PHF21B: variants seen among roughly 807,000 people sequenced by gnomAD.
PHF21B encodes PHD finger protein 4.
PHF21B carries 22 observed loss-of-function variants against 62.2 expected under a neutral mutation model. That is an observed-to-expected ratio of 0.35 (90% CI 0.25 to 0.51). The LOEUF is 0.51. Among genes scored for constraint, PHF21B ranks in the 20% least tolerant of loss-of-function variants. The probability of loss-of-function intolerance (pLI) is 0.97; values close to 1 mark genes in which losing one functional copy is unlikely to be tolerated. For synonymous variants in PHF21B, 341 were observed against 314.7 expected, an observed-to-expected ratio of 1.08 and a Z score of -0.88; for missense variants, 701 against 707.9, an observed-to-expected ratio of 0.99 and a Z score of 0.11.
At position 44,898,384 on chromosome 22, in the gene PHF21B, T is replaced by C. The variant is rs566377450; in HGVS notation, c.832-2301A>G. On this transcript the variant is annotated intron_variant, in intron 5 of 12. Transcript: ENST00000313237. ...GGGCGTAGACCACCCACCTGACTCA[T>C]AGCTGCTGGTGACCCTGGTCACTGG... Among the ~76,000 whole-genome samples the C allele has an allele frequency of 4.5e-4, 69 of 152,278 alleles. 1 individual carries two copies. Among genetic ancestry groups the C allele is most frequent in the African/African-American group, 1.6e-3 (65 of 41,566 alleles).
At chr22:44,938,437 T>A (rs1195621367) in intron 2 of PHF21B, among the ~76,000 whole-genome samples, 1 of 152,260 alleles carries the variant, frequency 6.6e-6, no homozygotes, top group African/African-American at 2.4e-5. Flanking sequence ...TTTCTCCATG[T>A]TGGCCAGGCT....
chr22:44,971,843 C>T (rs1425230187), intron 2 of PHF21B, among the ~76,000 whole-genome samples: 1 of 152,256 alleles, frequency 6.6e-6, no homozygotes, highest in Non-Finnish European at 1.5e-5. Flanking sequence ...AAGCTCCTTA[C>T]GGACATGTCT....
intron 5 of PHF21B, chr22:44,901,640 C>A: frequency 2.0e-6 from 1 of 488,826 alleles, no homozygotes; most frequent in South Asian, 4.7e-5. Context: ...GCCAAGAAGG[C>A]TGATGCTGGT....
intron 2 of PHF21B, among the ~76,000 whole-genome samples, chr22:44,959,302 T>C (rs1333390049): frequency 6.6e-6 from 1 of 152,226 alleles, no homozygotes; most frequent in East Asian, 1.9e-4. Flanking sequence ...CATCTTCTCA[T>C]ACTCTCCACT....
chr22:44,988,371 A>G (rs556386136), intron 2 of PHF21B, among the ~76,000 whole-genome samples: 7 of 152,306 alleles, frequency 4.6e-5, no homozygotes, highest in African/African-American at 1.7e-4. Flanking sequence ...CTGAGGTGGG[A>G]GGATTGCTTG....
chr22:44,975,188 C>G (rs2072714266), intron 2 of PHF21B, among the ~76,000 whole-genome samples: 1 of 152,176 alleles, frequency 6.6e-6, no homozygotes, highest in African/African-American at 2.4e-5. Flanking sequence ...TCAAACCCAC[C>G]TTTTCTCCAG....
intron 8 of PHF21B, among the ~76,000 whole-genome samples, chr22:44,890,753 G>A (rs2070948797): frequency 6.6e-6 from 1 of 152,274 alleles, no homozygotes; most frequent in South Asian, 2.1e-4. Flanking sequence ...GCAGACACAG[G>A]TAGAGGCCTG....
At position 44,929,324 on chromosome 22, in the gene PHF21B, G is replaced by T. The variant is rs1294427524; in HGVS notation, c.121-8834C>A. Among the ~76,000 whole-genome samples the T allele has an allele frequency of 2.0e-5, 3 of 152,198 alleles. No individual in the cohort carries two copies. In the East Asian group the frequency reaches 5.8e-4, roughly 29 times the overall value. ...TGCTGCTGCATGAGAATGTGCTTAG[G>T]CTTGGCCTTTATGTCCCCATTTGGT... On this transcript the variant is annotated intron_variant, in intron 2 of 12. Transcript: ENST00000313237.
intron 2 of PHF21B, among the ~76,000 whole-genome samples, chr22:44,931,104 C>T (rs1361260346): frequency 1.3e-5 from 2 of 152,204 alleles, no homozygotes; most frequent in South Asian, 2.1e-4. Context: ...GCCCCAACTG[C>T]AGTGCAGTGG....
At position 44,953,404 on chromosome 22, in the gene PHF21B, C is replaced by G. The variant is rs553314986; in HGVS notation, c.121-32914G>C. Among the ~76,000 whole-genome samples, 209 of 152,350 alleles carry G rather than the reference C, an allele frequency of 1.4e-3. 1 individual carries two copies. Among genetic ancestry groups the G allele is most frequent in the African/African-American group, 4.7e-3 (196 of 41,576 alleles). On this transcript the variant is annotated intron_variant, in intron 2 of 12. Coordinates refer to ENST00000313237, the MANE Select transcript of PHF21B (RefSeq NM_138415.5). ...AAGTCTTATGCAAACCAACCAGCCACAGGTTCCATCGGGCTTTTGTGGTGT... is the reference window on the plus strand; with the variant it reads ...AAGTCTTATGCAAACCAACCAGCCAGAGGTTCCATCGGGCTTTTGTGGTGT...
chr22:44,994,160 C>T (rs2073083604), intron 2 of PHF21B, among the ~76,000 whole-genome samples: 1 of 152,240 alleles, frequency 6.6e-6, no homozygotes, highest in Non-Finnish European at 1.5e-5. Context: ...CTAGCTTCAG[C>T]TGGTGGAGAT....
At chr22:44,996,085 G>T (rs968714313) in intron 2 of PHF21B, among the ~76,000 whole-genome samples, 6 of 152,122 alleles carry the variant, frequency 3.9e-5, no homozygotes, top group Admixed American at 3.3e-4. Context: ...AATCCAAGGA[G>T]CCAGCGGCAC....
intron 2 of PHF21B, among the ~76,000 whole-genome samples, chr22:44,995,854 G>C (rs1249583746): frequency 6.7e-6 from 1 of 148,320 alleles, no homozygotes; most frequent in East Asian, 2.0e-4. Flanking sequence ...CTGTCCCTGA[G>C]GTCAGGGTGA....
At chr22:44,945,714 A>ATT (rs1308574643) in intron 2 of PHF21B, among the ~76,000 whole-genome samples, 6 of 19,852 alleles carry the variant, frequency 3.0e-4, no homozygotes, top group Admixed American at 9.9e-4. Context: ...TGTTGGCAGA[A>ATT]TTGGGGGGGG....
chr22:45,004,510 T>C (rs2073278353), intron 2 of PHF21B, among the ~76,000 whole-genome samples: 1 of 152,216 alleles, frequency 6.6e-6, no homozygotes, highest in Non-Finnish European at 1.5e-5. Context: ...TGTGGAGCTT[T>C]TGGAGTTGTA....
rs779214577 is a variant in PHF21B at position 44,885,941 on chromosome 22, G to A, written c.1198-3C>T. The stretch of plus-strand genomic sequence containing the variant: ...ACACCCTCGTCTTTCTTTAAGGCCT[G>A]GGGAGCAGACGGGGAGATGAAAAAG... On this transcript the variant is annotated splice_region_variant and splice_polypyrimidine_tract_variant and intron_variant, in intron 10 of 12. Transcript: ENST00000313237. 3.1e-6 allele frequency: 5 copies of A among 1,613,748 alleles called. No homozygotes were observed. The East Asian group carries it at 8.9e-5, about 29-fold the overall frequency.
At chr22:44,979,985 C>A (rs932477529) in intron 2 of PHF21B, among the ~76,000 whole-genome samples, 2 of 141,262 alleles carry the variant, frequency 1.4e-5, no homozygotes, top group Non-Finnish European at 3.0e-5. Context: ...AGGAGAATCG[C>A]TTGAACCCGG....
At chr22:44,916,120 C>T (rs1014199112) in intron 4 of PHF21B, among the ~76,000 whole-genome samples, 160 bp downstream of exon 4, 3 of 152,246 alleles carry the variant, frequency 2.0e-5, no homozygotes, top group African/African-American at 7.2e-5. Context: ...TCATTTGCTC[C>T]TCTGTTTCCG....
intron 3 of PHF21B, among the ~76,000 whole-genome samples, chr22:44,917,133 C>T (rs998908227): frequency 2.0e-5 from 3 of 152,196 alleles, no homozygotes; most frequent in Admixed American, 6.5e-5. Context: ...GCTGAGCCCG[C>T]GTGACTGCGG....
Sources: allele counts gnomAD v4.1 joint callset (sites outside exome capture counted in the v4.1 genomes callset), GRCh38; gene constraint gnomAD v4.1.1; transcripts MANE v1.5; gene names NCBI Gene and HGNC (gene_info 2026-07-23, HGNC 2026-07-21).